Variants in PCNT observed in about 807,000 individuals in gnomAD.
The protein encoded by PCNT is kendrin.
In PCNT, 319 loss-of-function variants were observed where a neutral mutation model predicts 380.4. The observed-to-expected ratio is 0.84, with a 90% CI of 0.77 to 0.92. The LOEUF (loss-of-function observed/expected upper bound fraction) is 0.92, where lower values mean the gene tolerates loss of function less well. Among genes scored for constraint, PCNT ranks in the 40% least tolerant of loss-of-function variants. The probability of loss-of-function intolerance (pLI) is 0.00; values close to 1 mark genes in which losing one functional copy is unlikely to be tolerated. For missense variants in PCNT, 4,400 were observed against 4,255.3 expected, an observed-to-expected ratio of 1.03 and a Z score of -0.95; for synonymous variants, 1,845 against 1,735.2, an observed-to-expected ratio of 1.06 and a Z score of -1.57.
chr21:46,417,844 A>G (rs1365617881), intron 30 of PCNT, among the ~76,000 whole-genome samples: 1 of 152,234 alleles, frequency 6.6e-6, no homozygotes, highest in Non-Finnish European at 1.5e-5. Context: ...TTGAGGATGC[A>G]GTGAGCCAAG....
chr21:46,432,593 T>G (rs930090309), intron 38 of PCNT, among the ~76,000 whole-genome samples: 2 of 152,220 alleles, frequency 1.3e-5, no homozygotes, highest in Non-Finnish European at 2.9e-5. Context: ...TGTGAGGTCT[T>G]TTGATCCACG....
chr21:46,428,174 C>G (rs1287742120), intron 34 of PCNT, among the ~76,000 whole-genome samples: 2 of 152,140 alleles, frequency 1.3e-5, no homozygotes, highest in Admixed American at 6.5e-5. Flanking sequence ...ACGAGGAAAC[C>G]TAGTGTTGAG....
chr21:46,381,459 C>T (rs537042899), intron 15 of PCNT, among the ~76,000 whole-genome samples: 1 of 152,062 alleles, frequency 6.6e-6, no homozygotes, highest in Non-Finnish European at 1.5e-5. Context: ...CAGCTGTCAC[C>T]AGTGCGAACT....
chr21:46,347,325 A>C, intron 5 of PCNT, 132 bp from the exon 6 acceptor site: 1 of 882,858 alleles, frequency 1.1e-6, no homozygotes, highest in Non-Finnish European at 1.9e-6. Flanking sequence ...GCATCATCAC[A>C]GACACATCCT....
chr21:46,338,843 C>T (rs991101062), intron 3 of PCNT, among the ~76,000 whole-genome samples: 7 of 151,262 alleles, frequency 4.6e-5, no homozygotes, highest in Non-Finnish European at 2.9e-5. Flanking sequence ...TGCAGTGGCC[C>T]ATTCTCAGCT....
At chr21:46,396,750 C>T (rs1055880156) in intron 21 of PCNT, among the ~76,000 whole-genome samples, 12 of 152,114 alleles carry the variant, frequency 7.9e-5, no homozygotes, top group Non-Finnish European at 1.6e-4. Context: ...ATTACAGGCA[C>T]ACGCCACCAT....
chr21:46,416,210 T>C lies in PCNT; in HGVS notation c.6292T>C (p.Trp2098Arg), dbSNP rs748670976. 4 of 1,614,082 alleles carry C rather than the reference T, an allele frequency of 2.5e-6. No homozygotes were observed. Among genetic ancestry groups the C allele is most frequent in the East Asian group, 4.5e-5 (2 of 44,900 alleles). Residue 2098 changes from tryptophan (W) to arginine (R), a missense_variant, in exon 30 of 47, where the codon TGG becomes CGG. Physicochemically the swap from Trp to Arg is moderately radical, Grantham distance 101. Transcript: ENST00000359568. ...NVDAADTKSL[W>R]PMASAHLLES... ...GGATGCTGCCGACACCAAATCTCTG[T>C]GGCCCATGGCCTCAGCACACCTGTT...
In PCNT at chr21:46,341,233, A is replaced by G. The variant is rs114380549; in HGVS notation, c.640-4895A>G. Among the ~76,000 whole-genome samples the G allele has an allele frequency of 6.3e-3, 956 of 152,076 alleles. 10 individuals are homozygous for G. The highest frequency in any genetic ancestry group is 0.022 in the African/African-American group (896 of 41,468). On this transcript the variant is annotated intron_variant, in intron 3 of 46. Transcript: ENST00000359568. Reference sequence around the variant, plus strand: ...GTTGCTCGGGTTGATTTGGATCACTATTATTTTGGGTCTGCCGTGGGTGCC... The same window carrying G: ...GTTGCTCGGGTTGATTTGGATCACTGTTATTTTGGGTCTGCCGTGGGTGCC...
intron 15 of PCNT, among the ~76,000 whole-genome samples, chr21:46,378,331 A>G (rs533213123): frequency 5.3e-5 from 8 of 152,136 alleles, no homozygotes; most frequent in African/African-American, 1.9e-4. Context: ...TCAACTTTTA[A>G]CTGAAAGGCA....
intron 30 of PCNT, among the ~76,000 whole-genome samples, chr21:46,417,877 TGGG>T (rs1490291701): frequency 1.3e-5 from 2 of 152,366 alleles, no homozygotes; most frequent in African/African-American, 4.8e-5. Context: ...CACTCCAGCC[TGGG>T]TGACAGAGTG....
chr21:46,363,458 A>G, intron 13 of PCNT, 22 bp from the exon 14 acceptor site: 1 of 1,589,598 alleles, frequency 6.3e-7, no homozygotes, highest in Non-Finnish European at 8.6e-7. Flanking sequence ...TTTCCTCCTA[A>G]ATGAAATTAT....
At chr21:46,325,504 C>T (rs1238048973) in intron 1 of PCNT, among the ~76,000 whole-genome samples, 2 of 152,208 alleles carry the variant, frequency 1.3e-5, no homozygotes, top group South Asian at 2.1e-4. Context: ...AAATAAACGA[C>T]ATGAGGTTGA....
intron 14 of PCNT, among the ~76,000 whole-genome samples, chr21:46,365,345 C>G (rs1237652199): frequency 7.1e-6 from 1 of 141,648 alleles, no homozygotes; most frequent in African/African-American, 2.6e-5. Flanking sequence ...CCATGGGGTT[C>G]TATTCACTGC....
chr21:46,389,090 C>T (rs1164979319), intron 18 of PCNT, 109 bp from the exon 19 acceptor site: 24 of 1,314,750 alleles, frequency 1.8e-5, no homozygotes, highest in African/African-American at 2.9e-5. Flanking sequence ...TGACTCATCT[C>T]GGCTGGGGCG....
At chr21:46,401,883 TCTTGTTG>T (rs1240990261) in intron 26 of PCNT, among the ~76,000 whole-genome samples, 162 bp downstream of exon 26, 3 of 152,180 alleles carry the variant, frequency 2.0e-5, no homozygotes, top group Admixed American at 1.3e-4. Flanking sequence ...AGAGTTTTGC[TCTTGTTG>T]CCCAGGCTGG....
rs770240128 is a variant in PCNT, at chr21:46,445,283, G to A, written c.9968-1G>A. ...GCTGCCTCATTTTTATTTATATGCAGATTCTACTTCAAAGAAATCCTGCCA... is the reference window on the plus strand; with the variant it reads ...GCTGCCTCATTTTTATTTATATGCAAATTCTACTTCAAAGAAATCCTGCCA... On this transcript the variant is annotated splice_acceptor_variant, in intron 46 of 46. Transcript: ENST00000359568. LOFTEE classifies it high-confidence loss of function. The A allele has an allele frequency of 1.2e-6, 2 of 1,604,934 alleles. No homozygotes were observed. The highest frequency in any genetic ancestry group is 2.7e-5 in the African/African-American group (2 of 74,842).
intron 3 of PCNT, among the ~76,000 whole-genome samples, chr21:46,341,984 C>T (rs2083923116): frequency 6.6e-6 from 1 of 151,604 alleles, no homozygotes; most frequent in Non-Finnish European, 1.5e-5. Context: ...CTCTGTTGCC[C>T]AGCCTCGAGT....
intron 10 of PCNT, 52 bp from the exon 11 acceptor site, chr21:46,353,935 A>G (rs2084376284): frequency 2.0e-6 from 3 of 1,492,362 alleles, no homozygotes; most frequent in Non-Finnish European, 2.8e-6. Context: ...AATGGCGCAC[A>G]CATGGAAAAG....
At chr21:46,350,292 C>G (rs1205947186) in intron 8 of PCNT, among the ~76,000 whole-genome samples, 1 of 152,202 alleles carries the variant, frequency 6.6e-6, no homozygotes, top group African/African-American at 2.4e-5. Flanking sequence ...CAATCTTGTA[C>G]TTAGGAATGC....
Sources: allele counts gnomAD v4.1 joint callset (sites outside exome capture counted in the v4.1 genomes callset), GRCh38; gene constraint gnomAD v4.1.1; transcripts MANE v1.5; gene names NCBI Gene and HGNC (gene_info 2026-07-23, HGNC 2026-07-21).